Variants in TENM3 observed in about 807,000 individuals in gnomAD.
TENM3 encodes teneurin transmembrane protein 3.
TENM3 carries 63 observed loss-of-function variants against 255.1 expected under a neutral mutation model. The observed-to-expected ratio is 0.25, with a 90% CI of 0.20 to 0.30. The LOEUF (loss-of-function observed/expected upper bound fraction) is 0.30, where lower values mean the gene tolerates loss of function less well. TENM3 is among the 10% of genes least tolerant of loss of function. The probability of loss-of-function intolerance (pLI) is 1.00; values close to 1 mark genes in which losing one functional copy is unlikely to be tolerated. For missense variants in TENM3, 2,929 were observed against 3,461.1 expected (o/e 0.85, Z 3.86); for synonymous variants, 1,306 against 1,322.3 (o/e 0.99, Z 0.27).
chr4:182,697,954 G>T (rs1004516672), intron 12 of TENM3: 7 of 152,110 alleles, frequency 4.6e-5, no homozygotes, highest in Non-Finnish European at 8.8e-5. Flanking sequence ...AATCTATGTT[G>T]ATGTTGCAGT....
chr4:181,889,234 G>T, the TENM3 span, among the ~76,000 whole-genome samples: 1,052 of 152,202 alleles, frequency 6.9e-3, 7 homozygotes, highest in African/African-American at 0.024. Context: ...CATCCTCGTG[G>T]TGATGCGTGC....
chr4:181,852,809 G>A, the TENM3 span, among the ~76,000 whole-genome samples: 1,338 of 152,282 alleles, frequency 8.8e-3, 29 homozygotes, highest in African/African-American at 0.031. Flanking sequence ...CTGTTTTACA[G>A]GTGACCAAGG....
At chr4:182,160,704 G>A (rs73871804) in intron 1 of TENM3, among the ~76,000 whole-genome samples, 7,278 of 152,226 alleles carry the variant, frequency 0.048, 567 homozygotes, top group African/African-American at 0.16. Flanking sequence ...AAGGGGAGAC[G>A]TTGGTCAAAG....
the TENM3 span, among the ~76,000 whole-genome samples, chr4:181,578,658 A>G: frequency 3.5e-3 from 531 of 152,094 alleles, 2 homozygotes; most frequent in African/African-American, 0.012. Context: ...CAGCATCTCC[A>G]TCAAAGGACT....
At chr4:182,592,281 C>G (rs1211399584) in intron 3 of TENM3, among the ~76,000 whole-genome samples, 1 of 152,114 alleles carries the variant, frequency 6.6e-6, no homozygotes, top group Non-Finnish European at 1.5e-5. Context: ...GAAGCAGTTT[C>G]TGGAAAGCCA....
At chr4:181,745,905 T>C in the TENM3 span, among the ~76,000 whole-genome samples, 3 of 152,190 alleles carry the variant, frequency 2.0e-5, no homozygotes, top group Non-Finnish European at 4.4e-5. Flanking sequence ...GCTGTGCACA[T>C]GCAGATAAGG....
the TENM3 span, among the ~76,000 whole-genome samples, chr4:182,020,377 A>G: frequency 6.6e-6 from 1 of 152,056 alleles, no homozygotes; most frequent in South Asian, 2.1e-4. Context: ...AAAAAAAATT[A>G]AAAAATAGTT....
intron 3 of TENM3, among the ~76,000 whole-genome samples, chr4:182,358,930 G>C (rs948080925): frequency 3.3e-5 from 5 of 151,802 alleles, no homozygotes; most frequent in Non-Finnish European, 4.4e-5. Flanking sequence ...TAGCGTGAAG[G>C]GTTGTTGAAT....
At chr4:182,753,392 G>A (rs1240334373) in intron 20 of TENM3, 58 bp from the exon 21 acceptor site, 22 of 1,468,620 alleles carry the variant, frequency 1.5e-5, no homozygotes, top group Middle Eastern at 1.8e-4. Context: ...GGGCCTAATA[G>A]TTAATCAAAA....
chr4:182,790,378 C>T (rs948736478), intron 25 of TENM3, among the ~76,000 whole-genome samples: 9 of 152,322 alleles, frequency 5.9e-5, no homozygotes, highest in African/African-American at 1.9e-4. Flanking sequence ...CTGTGCTCCC[C>T]TCACACAATC....
chr4:181,693,087 A>G, the TENM3 span, among the ~76,000 whole-genome samples: 4 of 152,182 alleles, frequency 2.6e-5, no homozygotes, highest in South Asian at 2.1e-4. Flanking sequence ...GTTTTGCTAC[A>G]TGGATAATTT....
the TENM3 span, among the ~76,000 whole-genome samples, chr4:182,103,906 C>T: frequency 3.9e-5 from 6 of 152,108 alleles, no homozygotes; most frequent in African/African-American, 1.2e-4. Context: ...TTTATTTTAT[C>T]GGGTGTTCTT....
intron 1 of TENM3, among the ~76,000 whole-genome samples, chr4:182,153,003 A>G (rs1750449667): frequency 1.3e-5 from 2 of 151,790 alleles, no homozygotes; most frequent in South Asian, 2.1e-4. Context: ...AAAGATGCAT[A>G]TAAAGAAACC....
chr4:181,676,634 A>G, the TENM3 span, among the ~76,000 whole-genome samples: 1 of 152,124 alleles, frequency 6.6e-6, no homozygotes, highest in Non-Finnish European at 1.5e-5. Context: ...ACTAAAATGT[A>G]AGGAATCCCT....
At chr4:181,946,254 T>A in the TENM3 span, among the ~76,000 whole-genome samples, 1 of 152,206 alleles carries the variant, frequency 6.6e-6, no homozygotes, top group Non-Finnish European at 1.5e-5. Context: ...TGCTCAGTTT[T>A]TCTCCAAAAG....
intron 3 of TENM3, among the ~76,000 whole-genome samples, chr4:182,541,657 T>A (rs1740893053): frequency 6.6e-6 from 1 of 152,180 alleles, no homozygotes; most frequent in African/African-American, 2.4e-5. Flanking sequence ...AATTCAGCAC[T>A]TAATATGATG....
At chr4:182,752,088 AGGGGTT>A in intron 20 of TENM3, 56 bp downstream of exon 20, 18 of 1,078,656 alleles carry the variant, frequency 1.7e-5, no homozygotes, top group Non-Finnish European at 2.2e-5. Context: ...AAAAAAAAAA[AGGGGTT>A]GAAAATCCAT....
the TENM3 span, among the ~76,000 whole-genome samples, chr4:181,621,432 T>C: frequency 6.6e-6 from 1 of 152,346 alleles, no homozygotes; most frequent in Admixed American, 6.5e-5. Flanking sequence ...AGTTAACTAC[T>C]CATTTTTCCC....
At chr4:182,049,245 G>C in the TENM3 span, among the ~76,000 whole-genome samples, 1 of 152,110 alleles carries the variant, frequency 6.6e-6, no homozygotes, top group African/African-American at 2.4e-5. Context: ...ATGATCTTAG[G>C]GTAGATTTAT....
Sources: allele counts gnomAD v4.1 joint callset (sites outside exome capture counted in the v4.1 genomes callset), GRCh38; gene constraint gnomAD v4.1.1; transcripts MANE v1.5; gene names NCBI Gene and HGNC (gene_info 2026-07-23, HGNC 2026-07-21).